MDFIC2: variants seen among roughly 807,000 people sequenced by gnomAD.
MDFIC2 encodes MyoD family inhibitor domain containing 2, also known as myoD family inhibitor domain-containing protein 2.
chr3:70,196,721 C>T lies in MDFIC2; in HGVS notation c.*205G>A, dbSNP rs1701185289. Among the ~76,000 whole-genome samples, 1 of 152,168 alleles carries T rather than the reference C, an allele frequency of 6.6e-6. No individual in the cohort carries two copies. Among genetic ancestry groups the T allele is most frequent in the Non-Finnish European group, 1.5e-5 (1 of 68,044 alleles). On this transcript the variant is annotated 3_prime_UTR_variant, in exon 4 of 4. Transcript: ENST00000567252. ...ACATGTGATCAAGAATCTTATTTTT[C>T]AGTGAGCCATGCGGTTGTGAAATTT...
rs556767357 is a variant in MDFIC2, at chr3:70,243,030, T to C, written c.89-36240A>G. On this transcript the variant is annotated intron_variant, in intron 2 of 3. Coordinates refer to ENST00000567252, the MANE Select transcript of MDFIC2 (RefSeq NM_001364677.1). ...ATAACCGTTTTGTGACATGGGTTTT[T>C]AGCATATTTCTGGTTATTCTTTTTA... Among the ~76,000 whole-genome samples the C allele has an allele frequency of 2.0e-5, 3 of 152,330 alleles. No individual in the cohort carries two copies. The South Asian group carries it at 6.2e-4, about 32-fold the overall frequency.
intron 2 of MDFIC2, among the ~76,000 whole-genome samples, chr3:70,306,575 A>G (rs187697000): frequency 6.6e-6 from 1 of 150,700 alleles, no homozygotes; most frequent in African/African-American, 2.4e-5. Flanking sequence ...CCCATTCCCC[A>G]CCCCCTATTT....
chr3:70,252,365 A>T (rs1189831023), intron 2 of MDFIC2, among the ~76,000 whole-genome samples: 1 of 152,208 alleles, frequency 6.6e-6, no homozygotes, highest in Non-Finnish European at 1.5e-5. Flanking sequence ...CATTTGCTTC[A>T]GTGTATGACT....
chr3:70,200,243 T>A (rs1701224805), intron 3 of MDFIC2, among the ~76,000 whole-genome samples: 1 of 152,200 alleles, frequency 6.6e-6, no homozygotes, highest in South Asian at 2.1e-4. Flanking sequence ...ATGAGCCCGC[T>A]TCAAATTCAT....
chr3:70,197,600 A>G lies in MDFIC2; in HGVS notation c.311-415T>C, dbSNP rs1450797999. Among the ~76,000 whole-genome samples the G allele has an allele frequency of 2.6e-5, 4 of 152,220 alleles. 1 individual carries two copies. The highest frequency in any genetic ancestry group is 4.4e-5 in the Non-Finnish European group (3 of 68,034). On this transcript the variant is annotated intron_variant, in intron 3 of 3. Coordinates refer to ENST00000567252, the MANE Select transcript of MDFIC2 (RefSeq NM_001364677.1). ...AGGATTGGGGACAAGGAGAGACTGT[A>G]CAAATGCCCTGTTTCTTGTCACTAG...
At chr3:70,202,657 C>A (rs974414856) in intron 3 of MDFIC2, among the ~76,000 whole-genome samples, 3 of 152,126 alleles carry the variant, frequency 2.0e-5, no homozygotes, top group African/African-American at 4.8e-5. Context: ...GCACAGTCAA[C>A]AGTGGTGTTT....
chr3:70,267,058 G>T (rs1458021809), intron 2 of MDFIC2, among the ~76,000 whole-genome samples: 1 of 152,108 alleles, frequency 6.6e-6, no homozygotes, highest in Non-Finnish European at 1.5e-5. Flanking sequence ...GAGCAATGTC[G>T]TGCCAATGAA....
At chr3:70,275,463 A>T (rs6549325) in intron 2 of MDFIC2, among the ~76,000 whole-genome samples, 151,723 of 152,362 alleles carry the variant, frequency 1, 75,550 homozygotes, top group East Asian at 1. Flanking sequence ...TGCACTGAGC[A>T]GTGATCATGC....
At chr3:70,311,849 T>G (rs1482421736) in intron 2 of MDFIC2, 37 bp downstream of exon 2, 1 of 397,180 alleles carries the variant, frequency 2.5e-6, no homozygotes, top group East Asian at 3.6e-5. Flanking sequence ...AAGCAAAATT[T>G]TCACACCAAT....
At position 70,310,814 on chromosome 3, in the gene MDFIC2, A is replaced by AT. The variant is rs200890566; in HGVS notation, c.88+1071dup. Among the ~76,000 whole-genome samples the AT allele has an allele frequency of 6.2e-3, 941 of 151,996 alleles. 6 individuals are homozygous for AT. Among genetic ancestry groups the AT allele is most frequent in the Non-Finnish European group, 0.012 (789 of 67,980 alleles). On this transcript the variant is annotated intron_variant, in intron 2 of 3. Coordinates refer to ENST00000567252, the MANE Select transcript of MDFIC2 (RefSeq NM_001364677.1). ...TCATGTTCTGACGAGTAACTTAAAC[A>AT]TTTTTTTTCTTTGGAACATGATGAG...
chr3:70,286,078 C>G (rs1575615731), intron 2 of MDFIC2, among the ~76,000 whole-genome samples: 1 of 152,040 alleles, frequency 6.6e-6, no homozygotes, highest in Non-Finnish European at 1.5e-5. Flanking sequence ...TCCCATTTGT[C>G]AATTTTGTGT....
At chr3:70,217,996 A>G (rs1440472819) in intron 2 of MDFIC2, among the ~76,000 whole-genome samples, 1 of 152,196 alleles carries the variant, frequency 6.6e-6, no homozygotes, top group African/African-American at 2.4e-5. Flanking sequence ...AGGACAAGAA[A>G]TCACAGGAGC....
rs1246397189 is a variant in MDFIC2 at position 70,195,888 on chromosome 3, T to G, written c.*1038A>C. On this transcript the variant is annotated 3_prime_UTR_variant, in exon 4 of 4. Coordinates refer to ENST00000567252, the MANE Select transcript of MDFIC2 (RefSeq NM_001364677.1). Reference sequence around the variant, plus strand: ...GTCGAAAATCACTTTCCAGTCTATATCACATCTTTTTCTTAAAAAAATAAG... The same window carrying G: ...GTCGAAAATCACTTTCCAGTCTATAGCACATCTTTTTCTTAAAAAAATAAG... 6.6e-6 allele frequency among the ~76,000 whole-genome samples: 1 copy of G among 152,204 alleles called. No homozygotes were observed. The highest frequency in any genetic ancestry group is 1.5e-5 in the Non-Finnish European group (1 of 68,028).
At chr3:70,277,518 C>T (rs17006997) in intron 2 of MDFIC2, among the ~76,000 whole-genome samples, 3 of 152,060 alleles carry the variant, frequency 2.0e-5, no homozygotes, top group Non-Finnish European at 2.9e-5. Flanking sequence ...GATCTCTGAA[C>T]GAACAGACCG....
chr3:70,234,670 A>G (rs1458620854), intron 2 of MDFIC2, among the ~76,000 whole-genome samples: 2 of 152,020 alleles, frequency 1.3e-5, no homozygotes, highest in African/African-American at 4.8e-5. Context: ...CTGGTGCTTA[A>G]TAGAGCTATG....
In MDFIC2 at chr3:70,296,305, C is replaced by A. The variant is rs532382561; in HGVS notation, c.88+15581G>T. 1.1e-4 allele frequency among the ~76,000 whole-genome samples: 16 copies of A among 152,180 alleles called. No homozygotes were observed. The South Asian group carries it at 3.3e-3, about 32-fold the overall frequency. On this transcript the variant is annotated intron_variant, in intron 2 of 3. Coordinates refer to ENST00000567252, the MANE Select transcript of MDFIC2 (RefSeq NM_001364677.1). ...CTATGTTTTGTTTCCCTTTCCAAATCAGTTTATTGTCTTACTAAGTAAGAG... is the reference window on the plus strand; with the variant it reads ...CTATGTTTTGTTTCCCTTTCCAAATAAGTTTATTGTCTTACTAAGTAAGAG...
At chr3:70,250,614 A>G (rs1701756019) in intron 2 of MDFIC2, among the ~76,000 whole-genome samples, 1 of 152,204 alleles carries the variant, frequency 6.6e-6, no homozygotes, top group Non-Finnish European at 1.5e-5. Context: ...AGGTTTGTTC[A>G]GCGAATGTGT....
chr3:70,310,842 G>T (rs904085229), intron 2 of MDFIC2, among the ~76,000 whole-genome samples: 2 of 152,048 alleles, frequency 1.3e-5, no homozygotes, highest in African/African-American at 4.8e-5. Flanking sequence ...ATGATGAGGT[G>T]GTGGTTACAT....
At position 70,195,364 on chromosome 3, in the gene MDFIC2, A is replaced by G. The variant is rs1701165933; in HGVS notation, c.*1562T>C. 6.6e-6 allele frequency among the ~76,000 whole-genome samples: 1 copy of G among 152,214 alleles called. No homozygotes were observed. The highest frequency in any genetic ancestry group is 1.5e-5 in the Non-Finnish European group (1 of 68,036). On this transcript the variant is annotated 3_prime_UTR_variant, in exon 4 of 4. Coordinates refer to ENST00000567252, the MANE Select transcript of MDFIC2 (RefSeq NM_001364677.1). Reference sequence around the variant, plus strand: ...TGAATAACATGGTCATCAAACAGGAATGAAATCAGCATTAACCATGGGTGC... The same window carrying G: ...TGAATAACATGGTCATCAAACAGGAGTGAAATCAGCATTAACCATGGGTGC...
Sources: gnomAD v4.1 joint callset for allele counts (sites outside exome capture counted in the v4.1 genomes callset) on GRCh38, gnomAD v4.1.1 for gene constraint, MANE v1.5 for transcripts, NCBI Gene and HGNC (gene_info 2026-07-23, HGNC 2026-07-21) for gene names.